AKT3: variants seen among roughly 807,000 people sequenced by gnomAD.
AKT3 encodes RAC-gamma serine/threonine-protein kinase.
In AKT3, 15 loss-of-function variants were observed where a neutral mutation model predicts 65.3. That is an observed-to-expected ratio of 0.23 (90% confidence interval 0.15 to 0.35). AKT3 has a LOEUF of 0.35. Among genes scored for constraint, AKT3 ranks in the 10% least tolerant of loss-of-function variants. AKT3 has a pLI of 1.00. For missense variants in AKT3, 243 were observed against 576.5 expected (o/e 0.42, Z 5.92); for synonymous variants, 206 against 183.8 (o/e 1.12, Z -0.98).
chr1:243,807,259 G>A (rs533309208), intron 2 of AKT3, among the ~76,000 whole-genome samples: 3 of 152,320 alleles, frequency 2.0e-5, no homozygotes, highest in East Asian at 3.9e-4. Flanking sequence ...GGAAGCACAA[G>A]GCGTCAGGGA....
chr1:243,753,512 T>C (rs1688938722), intron 2 of AKT3, among the ~76,000 whole-genome samples: 1 of 152,160 alleles, frequency 6.6e-6, no homozygotes, highest in South Asian at 2.1e-4. Context: ...TACACACAAA[T>C]GACCCTAGGA....
intron 3 of AKT3, among the ~76,000 whole-genome samples, chr1:243,673,216 G>T (rs796573137): frequency 2.0e-5 from 3 of 152,188 alleles, no homozygotes; most frequent in African/African-American, 7.2e-5. Context: ...CATATTTCTT[G>T]ATTTACTTTC....
intron 6 of AKT3, chr1:243,625,138 T>TG (rs1558662799): frequency 6.3e-6 from 1 of 158,996 alleles, no homozygotes; most frequent in African/African-American, 2.6e-5. Context: ...TTTTTTTTTT[T>TG]TTTTTTTTTT....
chr1:243,541,305 A>G (rs1672300239), intron 12 of AKT3, among the ~76,000 whole-genome samples: 1 of 152,218 alleles, frequency 6.6e-6, no homozygotes, highest in East Asian at 1.9e-4. Flanking sequence ...TATGCAATAT[A>G]GACTCATGAT....
upstream of AKT3, chr1:243,850,245 G>C (rs1320552602): frequency 6.4e-6 from 1 of 157,000 alleles, no homozygotes; most frequent in Non-Finnish European, 1.4e-5. Flanking sequence ...AAGGGCTGCA[G>C]GGGAGGGAGG....
intron 2 of AKT3, among the ~76,000 whole-genome samples, chr1:243,733,743 G>A (rs1572247667): frequency 6.6e-6 from 1 of 152,094 alleles, no homozygotes; most frequent in Admixed American, 6.5e-5. Context: ...TATTAAATGT[G>A]CAATAGCATT....
downstream of AKT3, among the ~76,000 whole-genome samples, chr1:243,495,028 T>C (rs1044913598): frequency 3.9e-5 from 6 of 152,240 alleles, no homozygotes; most frequent in African/African-American, 9.6e-5. Context: ...CTATTTACCA[T>C]GGAAACATGG....
At chr1:243,824,978 G>C (rs1241786524) in intron 2 of AKT3, among the ~76,000 whole-genome samples, 1 of 152,092 alleles carries the variant, frequency 6.6e-6, no homozygotes, top group Admixed American at 6.5e-5. Flanking sequence ...CACTATTCCT[G>C]ATAGCAAAGA....
rs1014878701 is a variant in AKT3, at chr1:243,502,360, A to G, written c.*2889T>C. 3 of 232,986 alleles carry G rather than the reference A, an allele frequency of 1.3e-5. No individual in the cohort carries two copies. The highest frequency in any genetic ancestry group is 6.6e-5 in the African/African-American group (3 of 45,344). The allele number at this position is 232,986 out of a possible 1,614,324, so 14.4% of individuals were successfully genotyped here. A position where few individuals can be genotyped will look rare whatever the true frequency, so the allele number is the denominator to read the frequency against. On this transcript the variant is annotated 3_prime_UTR_variant, in exon 14 of 14. Transcript: ENST00000673466. The stretch of plus-strand genomic sequence containing the variant: ...ATGGGAAATGGAAAACAATACTTGA[A>G]TAATGCTATGTAATTAGTGTAGAAA...
chr1:243,548,423 T>C (rs1672823890), intron 11 of AKT3: 1 of 152,170 alleles, frequency 6.6e-6, no homozygotes, highest in East Asian at 1.9e-4. Context: ...ATCAAATACA[T>C]ATAAAACTAA....
intron 2 of AKT3, among the ~76,000 whole-genome samples, chr1:243,809,768 A>G (rs1693005843): frequency 6.6e-6 from 1 of 152,240 alleles, no homozygotes; most frequent in African/African-American, 2.4e-5. Flanking sequence ...TCCAAAATTG[A>G]CCACATACTT....
chr1:243,811,554 C>T lies in AKT3; in HGVS notation c.46+31571G>A, dbSNP rs371588703. Among the ~76,000 whole-genome samples the T allele has an allele frequency of 2.6e-5, 4 of 152,298 alleles. No homozygotes were observed. In the East Asian group the frequency reaches 5.8e-4, roughly 22 times the overall value. On this transcript the variant is annotated intron_variant, in intron 2 of 13. Transcript: ENST00000673466. ...AACAAATGGAAGAACATTCCATGCTCATGGATAGGAAGAATCAATATTGTG... is the reference window on the plus strand; with the variant it reads ...AACAAATGGAAGAACATTCCATGCTTATGGATAGGAAGAATCAATATTGTG...
chr1:243,635,605 T>C (rs1426582449), intron 6 of AKT3, among the ~76,000 whole-genome samples: 1 of 151,954 alleles, frequency 6.6e-6, no homozygotes, highest in Admixed American at 6.6e-5. Flanking sequence ...AATCCACTGA[T>C]ATGGGTGTTA....
rs568113896 is a variant in AKT3 at position 243,781,122 on chromosome 1, GA to G, written c.46+62002del. 1.1e-3 allele frequency among the ~76,000 whole-genome samples: 163 copies of G among 151,814 alleles called. 1 individual carries two copies. Among genetic ancestry groups the G allele is most frequent in the Admixed American group, 3.4e-3 (52 of 15,260 alleles). On this transcript the variant is annotated intron_variant, in intron 2 of 13. Transcript: ENST00000673466. ...CAGCCTTCTAAAATTTTTTTCTATGGAAAAAATTATGTATATATAATTTTCT... is the reference window on the plus strand; with the variant it reads ...CAGCCTTCTAAAATTTTTTTCTATGGAAAAATTATGTATATATAATTTTCT...
Position 243,500,173 on chromosome 1 carries a change from T to C in AKT3, c.*5076A>G, listed in dbSNP as rs1558565590. ...GGCACATATTTTAACTAGGCCAAAG[T>C]ATATTAAGGACCAAACTTTTTTTCC... On this transcript the variant is annotated 3_prime_UTR_variant, in exon 14 of 14. Coordinates refer to ENST00000673466, the MANE Select transcript of AKT3 (RefSeq NM_005465.7). The C allele has an allele frequency of 3.6e-6, 1 of 274,314 alleles. No homozygotes were observed. Among genetic ancestry groups the C allele is most frequent in the East Asian group, 5.2e-5 (1 of 19,080 alleles). The allele number at this position is 274,314 out of a possible 1,614,324, so 17.0% of individuals were successfully genotyped here.
intron 2 of AKT3, among the ~76,000 whole-genome samples, chr1:243,715,661 A>T (rs576294422): frequency 4.2e-4 from 64 of 152,238 alleles, no homozygotes; most frequent in South Asian, 1.4e-3. Context: ...ATTACATAAT[A>T]ACTCTTCTTG....
At chr1:243,796,860 T>G (rs566859094) in intron 2 of AKT3, among the ~76,000 whole-genome samples, 2 of 152,092 alleles carry the variant, frequency 1.3e-5, no homozygotes, top group Non-Finnish European at 2.9e-5. Flanking sequence ...AACACTACGC[T>G]AAGTGAAATA....
At chr1:243,577,416 G>A (rs1675021080) in intron 8 of AKT3, among the ~76,000 whole-genome samples, 1 of 152,032 alleles carries the variant, frequency 6.6e-6, no homozygotes, top group Non-Finnish European at 1.5e-5. Flanking sequence ...CAAAGCGCTG[G>A]GATTACAGGC....
At chr1:243,557,519 C>T (rs544397430) in intron 10 of AKT3, among the ~76,000 whole-genome samples, 11 of 151,884 alleles carry the variant, frequency 7.2e-5, no homozygotes, top group Admixed American at 1.3e-4. Context: ...CATTGAGAGG[C>T]GTTAATTCCA....
Sources: allele counts gnomAD v4.1 joint callset (sites outside exome capture counted in the v4.1 genomes callset), GRCh38; gene constraint gnomAD v4.1.1; transcripts MANE v1.5; gene names NCBI Gene and HGNC (gene_info 2026-07-23, HGNC 2026-07-21).